The following FBLN7 variants were observed in gnomAD, a reference collection of about 807,000 sequenced individuals.
FBLN7 encodes fibulin-7.
In FBLN7, 31 loss-of-function variants were observed where a neutral mutation model predicts 44.0. The ratio of observed to expected loss-of-function variants is 0.70; its 90% CI spans 0.53 to 0.95. The LOEUF is 0.95. FBLN7 is among the 40% of genes least tolerant of loss of function. The pLI, the probability that FBLN7 is intolerant of heterozygous loss-of-function variation, is 0.00. For missense variants in FBLN7, 573 were observed against 618.5 expected, an observed-to-expected ratio of 0.93 and a Z score of 0.78; for synonymous variants, 262 against 253.4, an observed-to-expected ratio of 1.03 and a Z score of -0.32.
intron 4 of FBLN7, chr2:112,176,040 A>G: frequency 2.0e-6 from 1 of 499,224 alleles, no homozygotes; most frequent in Non-Finnish European, 3.3e-6. Context: ...TGATGCAACC[A>G]GAGTTTTGAC....
At chr2:112,198,695 A>G in the FBLN7 span, among the ~76,000 whole-genome samples, 5 of 152,264 alleles carry the variant, frequency 3.3e-5, no homozygotes, top group South Asian at 6.2e-4. Flanking sequence ...GCTACCTTTC[A>G]TCATGTGAGG....
intron 1 of FBLN7, among the ~76,000 whole-genome samples, chr2:112,147,348 C>G (rs575546020): frequency 1.3e-5 from 2 of 152,170 alleles, no homozygotes; most frequent in African/African-American, 4.8e-5. Context: ...GGGACCACTC[C>G]GCATTTCTAC....
the FBLN7 span, among the ~76,000 whole-genome samples, chr2:112,235,909 T>C: frequency 1.3e-5 from 2 of 150,468 alleles, no homozygotes; most frequent in Non-Finnish European, 1.5e-5. Flanking sequence ...GCTTCCCATT[T>C]TTCCCGAGTC....
intron 1 of FBLN7, among the ~76,000 whole-genome samples, chr2:112,143,387 C>A (rs759695302): frequency 5.9e-5 from 9 of 152,188 alleles, no homozygotes; most frequent in Non-Finnish European, 1.3e-4. Context: ...GTGTGGGGAG[C>A]TGCTATGGTG....
At chr2:112,196,585 G>A in the FBLN7 span, among the ~76,000 whole-genome samples, 1 of 151,632 alleles carries the variant, frequency 6.6e-6, no homozygotes, top group African/African-American at 2.4e-5. Context: ...TACTTAAATT[G>A]CAAAACTCAG....
At chr2:112,160,691 C>CAA (rs1558879648) in intron 2 of FBLN7, among the ~76,000 whole-genome samples, 1 of 120,818 alleles carries the variant, frequency 8.3e-6, no homozygotes, top group Non-Finnish European at 1.8e-5. Context: ...CGCACGCACA[C>CAA]GCACACACGC....
chr2:112,204,693 C>T, the FBLN7 span, among the ~76,000 whole-genome samples: 1 of 152,178 alleles, frequency 6.6e-6, no homozygotes, highest in South Asian at 2.1e-4. Flanking sequence ...ACCAAGAATT[C>T]GATATCAGCC....
chr2:112,189,351 C>T (rs1370109686), downstream of FBLN7: 1 of 152,290 alleles, frequency 6.6e-6, no homozygotes, highest in African/African-American at 2.4e-5. Context: ...CACCAAAGTA[C>T]AAATGGCTGA....
chr2:112,222,123 G>C, the FBLN7 span, among the ~76,000 whole-genome samples: 1 of 152,044 alleles, frequency 6.6e-6, no homozygotes, highest in Admixed American at 6.5e-5. Context: ...GCCTGCTCCT[G>C]GGTCTTGGAG....
At chr2:112,225,338 T>C in the FBLN7 span, among the ~76,000 whole-genome samples, 2 of 152,116 alleles carry the variant, frequency 1.3e-5, no homozygotes, top group Non-Finnish European at 2.9e-5. Flanking sequence ...ATTAGCCAGG[T>C]GTGGTAGCAC....
At chr2:112,160,326 T>C (rs1255317054) in intron 2 of FBLN7, among the ~76,000 whole-genome samples, 1 of 152,142 alleles carries the variant, frequency 6.6e-6, no homozygotes, top group African/African-American at 2.4e-5. Context: ...TTGGTGGCAG[T>C]GGGGGTGGGG....
the FBLN7 span, among the ~76,000 whole-genome samples, chr2:112,227,312 G>C: frequency 7.2e-5 from 11 of 152,318 alleles, no homozygotes; most frequent in African/African-American, 2.6e-4. Context: ...ATCGCCTGAG[G>C]TCAGGAGTTT....
the FBLN7 span, among the ~76,000 whole-genome samples, chr2:112,218,173 T>G: frequency 6.6e-6 from 1 of 152,238 alleles, no homozygotes; most frequent in Non-Finnish European, 1.5e-5. Flanking sequence ...ACTTCATCTA[T>G]CTTCCCATTC....
At chr2:112,142,710 G>A (rs960829715) in intron 1 of FBLN7, among the ~76,000 whole-genome samples, 4 of 152,154 alleles carry the variant, frequency 2.6e-5, no homozygotes, top group African/African-American at 9.7e-5. Flanking sequence ...TGGCAAATGT[G>A]CTTGCTTTGC....
chr2:112,190,160 A>C (rs1441864234), downstream of FBLN7: 2 of 152,186 alleles, frequency 1.3e-5, no homozygotes, highest in East Asian at 3.9e-4. Flanking sequence ...ATAAATCTAG[A>C]GAGTTAGTCA....
the FBLN7 span, chr2:112,233,464 T>C: frequency 1.2e-6 from 1 of 852,430 alleles, no homozygotes; most frequent in East Asian, 2.8e-5. Flanking sequence ...AAGCAAATGA[T>C]TCCAGAAAGA....
the FBLN7 span, chr2:112,238,609 C>G: frequency 8.5e-7 from 1 of 1,179,946 alleles, no homozygotes; most frequent in Non-Finnish European, 1.2e-6. Context: ...ACAAGATTGG[C>G]TATAAACTGG....
the FBLN7 span, among the ~76,000 whole-genome samples, chr2:112,195,243 G>A: frequency 1.7e-4 from 26 of 152,190 alleles, no homozygotes; most frequent in Admixed American, 6.5e-5. Context: ...AAATTAGATC[G>A]TAGCAATCTA....
At chr2:112,215,924 CAA>C in the FBLN7 span, 2 of 151,964 alleles carry the variant, frequency 1.3e-5, no homozygotes, top group African/African-American at 4.8e-5. Flanking sequence ...AAACTGGAAA[CAA>C]ATGTCTAACA....
Sources: allele counts gnomAD v4.1 joint callset (sites outside exome capture counted in the v4.1 genomes callset), GRCh38; gene constraint gnomAD v4.1.1; transcripts MANE v1.5; gene names NCBI Gene and HGNC (gene_info 2026-07-23, HGNC 2026-07-21).